The following AKAP6 variants were observed in gnomAD, a reference collection of about 807,000 sequenced individuals.
AKAP6 encodes the protein A-kinase anchoring protein 6, also known as A-kinase anchor protein 6.
AKAP6 carries 58 observed loss-of-function variants against 188.5 expected under a neutral mutation model. That is an observed-to-expected ratio of 0.31 (90% CI 0.25 to 0.38). AKAP6 has a LOEUF of 0.38. AKAP6 is among the 10% of genes least tolerant of loss of function. The pLI, the probability that AKAP6 is intolerant of heterozygous loss-of-function variation, is 1.00. For synonymous variants in AKAP6, 989 were observed against 998.6 expected, an observed-to-expected ratio of 0.99 and a Z score of 0.18; for missense variants, 2,710 against 2,740.0, an observed-to-expected ratio of 0.99 and a Z score of 0.24.
At chr14:32,634,391 T>C (rs1887400185) in intron 7 of AKAP6, among the ~76,000 whole-genome samples, 1 of 152,092 alleles carries the variant, frequency 6.6e-6, no homozygotes, top group Admixed American at 6.6e-5. Flanking sequence ...CTTATCTCAA[T>C]CCTAACCAAA....
chr14:32,764,244 A>G (rs191571962), intron 11 of AKAP6, among the ~76,000 whole-genome samples: 79 of 152,338 alleles, frequency 5.2e-4, no homozygotes, highest in Admixed American at 9.8e-4. Context: ...AACACTGTCT[A>G]TTATGAAAAG....
intron 7 of AKAP6, among the ~76,000 whole-genome samples, chr14:32,666,856 A>G (rs1384517361): frequency 6.6e-6 from 1 of 152,126 alleles, no homozygotes; most frequent in African/African-American, 2.4e-5. Flanking sequence ...CAGATATCAA[A>G]TTATAATGAA....
intron 7 of AKAP6, among the ~76,000 whole-genome samples, chr14:32,675,185 C>T (rs182999939): frequency 2.7e-4 from 41 of 152,194 alleles, no homozygotes; most frequent in Non-Finnish European, 5.3e-4. Context: ...TAAATCCAGC[C>T]GATTTCTCCC....
intron 2 of AKAP6, among the ~76,000 whole-genome samples, chr14:32,451,971 T>G (rs992807476): frequency 7.3e-5 from 11 of 150,042 alleles, no homozygotes; most frequent in Non-Finnish European, 1.0e-4. Flanking sequence ...CAACTATAAC[T>G]CTATGCTATC....
At chr14:32,796,678 C>A (rs4982008) in intron 12 of AKAP6, among the ~76,000 whole-genome samples, 2 of 152,104 alleles carry the variant, frequency 1.3e-5, no homozygotes, top group African/African-American at 4.8e-5. Flanking sequence ...ACTATAAAAA[C>A]GCTAGGAGAA....
At chr14:32,615,031 T>A (rs1886503831) in intron 7 of AKAP6, among the ~76,000 whole-genome samples, 1 of 151,274 alleles carries the variant, frequency 6.6e-6, no homozygotes, top group South Asian at 2.1e-4. Context: ...TAGCTGGGCG[T>A]GGTGGTGCAC....
At chr14:32,466,948 G>C (rs964586509) in intron 2 of AKAP6, among the ~76,000 whole-genome samples, 1 of 149,414 alleles carries the variant, frequency 6.7e-6, no homozygotes, top group East Asian at 2.0e-4. Flanking sequence ...ATAATATAAA[G>C]GTATTAATTT....
chr14:32,833,176 T>C lies in AKAP6; in HGVS notation c.*3371T>C, dbSNP rs2034839099. ...GGCACTCCCTCCGCTTATTTATTCATTTATTCAGCCATTCAGCAAACATTT... is the reference window on the plus strand; with the variant it reads ...GGCACTCCCTCCGCTTATTTATTCACTTATTCAGCCATTCAGCAAACATTT... On this transcript the variant is annotated 3_prime_UTR_variant, in exon 14 of 14. Coordinates refer to ENST00000280979, the MANE Select transcript of AKAP6 (RefSeq NM_004274.5). The C allele has an allele frequency of 6.6e-6, 1 of 152,206 alleles. No homozygotes were observed. Among genetic ancestry groups the C allele is most frequent in the Non-Finnish European group, 1.5e-5 (1 of 68,028 alleles). The allele number at this position is 152,206 out of a possible 1,614,324, so 9.4% of individuals were successfully genotyped here.
intron 5 of AKAP6, among the ~76,000 whole-genome samples, chr14:32,583,402 G>T (rs933918250): frequency 2.6e-4 from 39 of 152,314 alleles, no homozygotes; most frequent in Admixed American, 1.3e-4. Flanking sequence ...TGCCCCTACT[G>T]GGGGGTGCCT....
intron 9 of AKAP6, among the ~76,000 whole-genome samples, chr14:32,725,379 G>T (rs574638135): frequency 6.6e-6 from 1 of 152,332 alleles, no homozygotes; most frequent in South Asian, 2.1e-4. Context: ...TGCCCCTTGG[G>T]CACGTCAAAG....
chr14:32,720,114 G>T (rs775491279), intron 9 of AKAP6, among the ~76,000 whole-genome samples: 1 of 152,034 alleles, frequency 6.6e-6, no homozygotes, highest in African/African-American at 2.4e-5. Flanking sequence ...TCCTTTGATT[G>T]TATATTAAAA....
At chr14:32,707,189 T>TA (rs982322101) in intron 9 of AKAP6, among the ~76,000 whole-genome samples, 13 of 152,072 alleles carry the variant, frequency 8.5e-5, no homozygotes, top group African/African-American at 2.9e-4. Context: ...TTATTTAATT[T>TA]AAAAAAATCT....
intron 9 of AKAP6, among the ~76,000 whole-genome samples, chr14:32,714,039 T>C (rs1042992540): frequency 1.3e-5 from 2 of 152,024 alleles, no homozygotes; most frequent in African/African-American, 4.8e-5. Flanking sequence ...GAGGCCATTG[T>C]AGGATTATTA....
At chr14:32,642,287 C>T (rs919771915) in intron 7 of AKAP6, among the ~76,000 whole-genome samples, 3 of 152,172 alleles carry the variant, frequency 2.0e-5, no homozygotes, top group Non-Finnish European at 4.4e-5. Context: ...CAGGAGTGCT[C>T]TTCCTATTTT....
chr14:32,385,072 C>A (rs190860925), intron 1 of AKAP6: 5 of 151,736 alleles, frequency 3.3e-5, no homozygotes, highest in Admixed American at 3.3e-4. Flanking sequence ...GGTGCTTCAC[C>A]TGTCATGATG....
At chr14:32,767,130 T>A (rs2032743903) in intron 11 of AKAP6, among the ~76,000 whole-genome samples, 1 of 152,190 alleles carries the variant, frequency 6.6e-6, no homozygotes, top group Non-Finnish European at 1.5e-5. Flanking sequence ...GTATCTTATA[T>A]TTAATCTTTA....
intron 1 of AKAP6, among the ~76,000 whole-genome samples, chr14:32,348,245 G>T (rs114433651): frequency 2.0e-5 from 3 of 152,294 alleles, no homozygotes; most frequent in East Asian, 3.9e-4. Flanking sequence ...TTGCCCAGAA[G>T]AATGTAGGTT....
intron 12 of AKAP6, among the ~76,000 whole-genome samples, chr14:32,791,052 T>C (rs952111719): frequency 6.6e-6 from 1 of 152,214 alleles, no homozygotes; most frequent in South Asian, 2.1e-4. Flanking sequence ...AAGTCTTTGC[T>C]ATTGCGAATA....
chr14:32,360,935 A>T (rs1204940177), intron 1 of AKAP6, among the ~76,000 whole-genome samples: 1 of 151,234 alleles, frequency 6.6e-6, no homozygotes. Flanking sequence ...TTTTGTAGAG[A>T]TGGGGGTCTC....
Sources: allele counts gnomAD v4.1 joint callset (sites outside exome capture counted in the v4.1 genomes callset), GRCh38; gene constraint gnomAD v4.1.1; transcripts MANE v1.5; gene names NCBI Gene and HGNC (gene_info 2026-07-23, HGNC 2026-07-21).